ITGA4: variants seen among roughly 807,000 people sequenced by gnomAD.
ITGA4 encodes the protein integrin alpha-4.
Under a neutral mutation model 133.6 loss-of-function variants are expected in ITGA4, and 63 were observed. That is an observed-to-expected ratio of 0.47 (90% CI 0.38 to 0.58). ITGA4 has a LOEUF of 0.58. ITGA4 is among the 20% of genes least tolerant of loss of function. The pLI, the probability that ITGA4 is intolerant of heterozygous loss-of-function variation, is 0.00. For missense variants in ITGA4, 1,076 were observed against 1,252.7 expected, an observed-to-expected ratio of 0.86 and a Z score of 2.13; for synonymous variants, 483 against 438.0, an observed-to-expected ratio of 1.10 and a Z score of -1.28.
chr2:181,469,556 C>T (rs889694688), intron 2 of ITGA4, among the ~76,000 whole-genome samples: 1 of 152,116 alleles, frequency 6.6e-6, no homozygotes, highest in African/African-American at 2.4e-5. Flanking sequence ...CCCAGCCATC[C>T]CATGACTGGG....
intron 21 of ITGA4, among the ~76,000 whole-genome samples, chr2:181,526,821 CTTTTTTTTTTTTTTTT>C (rs538208494): frequency 0.037 from 1,500 of 41,058 alleles, 102 homozygotes; most frequent in African/African-American, 0.087. Context: ...AGCACATGGC[CTTTTTTTTTTTTTTTT>C]TTTTTTTTTT....
chr2:181,509,526 G>C, intron 15 of ITGA4, 132 bp from the exon 16 acceptor site: 1 of 495,464 alleles, frequency 2.0e-6, no homozygotes, highest in Non-Finnish European at 3.4e-6. Context: ...TTTTTTTAAC[G>C]GTTTAGATAA....
rs1559053544 is a variant in ITGA4, at chr2:181,516,254, CA to C, written c.1922+4481del. On this transcript the variant is annotated intron_variant, in intron 17 of 27. Transcript: ENST00000397033. The surrounding 1 kb of genome is among the most constrained non-coding windows in gnomAD (Gnocchi z 4.0). Reference sequence around the variant, plus strand: ...ATGAGTGATGTAAGCTTTCCCTGAACAATTGCTTCTGTATCTGCTAGGAATA... The same window carrying C: ...ATGAGTGATGTAAGCTTTCCCTGAACATTGCTTCTGTATCTGCTAGGAATA... Among the ~76,000 whole-genome samples, 1 of 152,082 alleles carries C rather than the reference CA, an allele frequency of 6.6e-6. No individual in the cohort carries two copies. Among genetic ancestry groups the C allele is most frequent in the Non-Finnish European group, 1.5e-5 (1 of 68,008 alleles).
At chr2:181,478,670 G>A in intron 4 of ITGA4, 87 bp from the exon 5 acceptor site, 2 of 561,748 alleles carry the variant, frequency 3.6e-6, no homozygotes, top group Non-Finnish European at 6.2e-6. Flanking sequence ...AGACCTTAAA[G>A]GACATTTTTG....
intron 2 of ITGA4, chr2:181,458,785 A>T (rs570415014): frequency 6.4e-6 from 1 of 157,448 alleles, no homozygotes; most frequent in South Asian, 1.8e-4. Context: ...GGCCTAAAAA[A>T]AAAAGTGATA....
In ITGA4 at chr2:181,525,208, TGAAGAGGAAATGG is replaced by T; in HGVS notation, c.2257_2269del (p.Glu753ThrfsTer3). The T allele has an allele frequency of 6.3e-7, 1 of 1,593,728 alleles. No homozygotes were observed. The highest frequency in any genetic ancestry group is 8.6e-7 in the Non-Finnish European group (1 of 1,162,376). ...GTGTTTTCTGTTTGTATAGTGAAAA[TGAAGAGGAAATGG>T]ACAATCTAAAGCACAGCAGAGTGAC... is the stretch of plus-strand genomic sequence containing the variant. On this transcript the variant is annotated frameshift_variant, in exon 21 of 28. Transcript: ENST00000397033. LOFTEE classifies it high-confidence loss of function.
At chr2:181,488,638 A>G (rs530857389) in intron 10 of ITGA4, among the ~76,000 whole-genome samples, 2 of 151,756 alleles carry the variant, frequency 1.3e-5, no homozygotes, top group South Asian at 4.2e-4. Context: ...GGCTCACTGC[A>G]AGCTCTGACT....
chr2:181,528,189 C>T (rs978672643), intron 22 of ITGA4, among the ~76,000 whole-genome samples: 4 of 152,104 alleles, frequency 2.6e-5, no homozygotes, highest in Admixed American at 2.6e-4. Flanking sequence ...AATGCAAATT[C>T]CTTGGCTTTG....
At chr2:181,477,031 A>G (rs541163161) in intron 4 of ITGA4, among the ~76,000 whole-genome samples, 1 of 152,204 alleles carries the variant, frequency 6.6e-6, no homozygotes, top group African/African-American at 2.4e-5. Flanking sequence ...TACTATGCCT[A>G]TTACCTGCAT....
At chr2:181,490,484 CGTGT>C (rs35723610) in intron 10 of ITGA4, among the ~76,000 whole-genome samples, 13,017 of 137,628 alleles carry the variant, frequency 0.095, 708 homozygotes, top group South Asian at 0.2. Flanking sequence ...GAATAGTATT[CGTGT>C]GTGTGTGTGT....
chr2:181,457,253 C>T (rs567116921), upstream of ITGA4: 6 of 196,030 alleles, frequency 3.1e-5, no homozygotes, highest in East Asian at 9.0e-4. Flanking sequence ...GGCTGGGAGG[C>T]CCGGGCCAGG....
chr2:181,525,361 G>GA (rs1452343544), intron 21 of ITGA4, 70 bp downstream of exon 21: 7 of 784,924 alleles, frequency 8.9e-6, no homozygotes, highest in East Asian at 2.6e-5. Context: ...TTACATTAAT[G>GA]AAAAAACTGT....
Position 181,495,636 on chromosome 2 carries a change from C to A in ITGA4, c.1386-147C>A. 2 of 715,704 alleles carry A rather than the reference C, an allele frequency of 2.8e-6. No homozygotes were observed. The highest frequency in any genetic ancestry group is 1.9e-5 in the South Asian group (1 of 52,790). 44.3% of individuals were successfully genotyped at this position (715,704 alleles called of 1,614,324 possible). A position where few individuals can be genotyped will look rare whatever the true frequency, so the allele number is the denominator to read the frequency against. On this transcript the variant is annotated intron_variant, in intron 13 of 27. Coordinates refer to ENST00000397033, the MANE Select transcript of ITGA4 (RefSeq NM_000885.6). This position sits in a 1 kb window ranked among gnomAD's most constrained non-coding sequence, Gnocchi z 4.3. The stretch of plus-strand genomic sequence containing the variant: ...CATTTAAATAAAAAGTTATTTTGCC[C>A]TGTGCACAGAAATGTAATTAGTATG...
intron 27 of ITGA4, 73 bp from the exon 28 acceptor site, chr2:181,535,359 T>C: frequency 8.7e-7 from 1 of 1,145,254 alleles, no homozygotes; most frequent in South Asian, 1.8e-5. Context: ...ACTGCTTAGA[T>C]ATTAGAAATG....
intron 15 of ITGA4, among the ~76,000 whole-genome samples, chr2:181,499,263 T>C (rs2105748027): frequency 6.6e-6 from 1 of 152,214 alleles, no homozygotes; most frequent in South Asian, 2.1e-4. Context: ...CAGTGGGAAC[T>C]CACACAGTTG....
At chr2:181,517,379 G>GA (rs891907252) in intron 17 of ITGA4, among the ~76,000 whole-genome samples, 1 of 151,964 alleles carries the variant, frequency 6.6e-6, no homozygotes, top group Admixed American at 6.6e-5. Flanking sequence ...TATTCACTCA[G>GA]AAAAAAACAT....
intron 10 of ITGA4, among the ~76,000 whole-genome samples, chr2:181,488,955 T>A (rs1685983679): frequency 6.6e-6 from 1 of 152,212 alleles, no homozygotes; most frequent in African/African-American, 2.4e-5. Flanking sequence ...ACAGGGCCAG[T>A]GTGTCCTAGT....
intron 10 of ITGA4, 146 bp from the exon 11 acceptor site, chr2:181,493,174 GTATTT>G (rs1276375126): frequency 6.8e-6 from 4 of 587,656 alleles, no homozygotes; most frequent in Non-Finnish European, 1.2e-5. Flanking sequence ...GATGATGATA[GTATTT>G]TATTTTTTTC....
intron 2 of ITGA4, among the ~76,000 whole-genome samples, chr2:181,466,882 CATTG>C (rs1365462037): frequency 6.6e-6 from 1 of 152,104 alleles, no homozygotes; most frequent in Non-Finnish European, 1.5e-5. Context: ...GGAGCAGAGG[CATTG>C]ATTATTTATT....
Sources: gnomAD v4.1 joint callset for allele counts (sites outside exome capture counted in the v4.1 genomes callset) on GRCh38, gnomAD v4.1.1 for gene constraint, Gnocchi (gnomAD v3.1) non-coding constraint, MANE v1.5 for transcripts, NCBI Gene and HGNC (gene_info 2026-07-23, HGNC 2026-07-21) for gene names.